The following SIAH1 variants were observed in gnomAD, a reference collection of about 807,000 sequenced individuals.
SIAH1 encodes the protein E3 ubiquitin-protein ligase SIAH1.
SIAH1 carries 2 observed loss-of-function variants against 20.0 expected under a neutral mutation model. The observed-to-expected ratio is 0.10, with a 90% CI of 0.04 to 0.31. The LOEUF is 0.31. Among genes scored for constraint, SIAH1 ranks in the 10% least tolerant of loss-of-function variants. The probability of loss-of-function intolerance (pLI) is 1.00; values close to 1 mark genes in which losing one functional copy is unlikely to be tolerated. For missense variants in SIAH1, 119 were observed against 355.3 expected, an observed-to-expected ratio of 0.33 and a Z score of 5.35; for synonymous variants, 118 against 125.3, an observed-to-expected ratio of 0.94 and a Z score of 0.39.
At chr16:48,373,472 T>C (rs142430786) in intron 1 of SIAH1, among the ~76,000 whole-genome samples, 1 of 152,324 alleles carries the variant, frequency 6.6e-6, no homozygotes, top group East Asian at 1.9e-4. Flanking sequence ...TTTCACAACA[T>C]ACATCTAAAA....
chr16:48,374,974 G>A (rs1316564026), intron 1 of SIAH1, among the ~76,000 whole-genome samples: 1 of 152,090 alleles, frequency 6.6e-6, no homozygotes, highest in African/African-American at 2.4e-5. Flanking sequence ...CTGAAATCTA[G>A]AAACAATAGA....
At chr16:48,370,609 G>A (rs1252605760) in intron 1 of SIAH1, among the ~76,000 whole-genome samples, 1 of 151,986 alleles carries the variant, frequency 6.6e-6, no homozygotes, top group Middle Eastern at 3.2e-3. Context: ...ATGAGGTCAG[G>A]TTATCGAGAC....
intron 1 of SIAH1, among the ~76,000 whole-genome samples, chr16:48,378,383 A>G (rs1158237577): frequency 6.6e-6 from 1 of 152,210 alleles, no homozygotes; most frequent in Non-Finnish European, 1.5e-5. Flanking sequence ...CAAAAGAATG[A>G]AAGAGTACAA....
upstream of SIAH1, chr16:48,385,514 G>GGGCGCGCA (rs952242725): frequency 2.0e-5 from 3 of 150,568 alleles, no homozygotes; most frequent in African/African-American, 7.4e-5. Flanking sequence ...GGGCTTTCGC[G>GGGCGCGCA]GGCGCGCAGG....
Position 48,362,815 on chromosome 16 carries a change from CTATT to C in SIAH1, c.-2-389_-2-386del, listed in dbSNP as rs1236935236. 1.0e-5 allele frequency: 2 copies of C among 197,780 alleles called. No individual in the cohort carries two copies. Among genetic ancestry groups the C allele is most frequent in the Non-Finnish European group, 2.3e-5 (2 of 87,350 alleles). 12.3% of individuals were successfully genotyped at this position (197,780 alleles called of 1,614,324 possible). A position where few individuals can be genotyped will look rare whatever the true frequency, so the allele number is the denominator to read the frequency against. On this transcript the variant is annotated intron_variant, in intron 1 of 1. Transcript: ENST00000394725. The surrounding 1 kb of genome is among the most constrained non-coding windows in gnomAD (Gnocchi z 4.2). ...GGACTCTCCCTGAGGCTCCCTTACTCTATTTCTTTCTAATTTGGAGTCAGCTGTT... is the reference window on the plus strand; with the variant it reads ...GGACTCTCCCTGAGGCTCCCTTACTCTCTTTCTAATTTGGAGTCAGCTGTT...
rs1961422757 is a variant in SIAH1 at position 48,385,261 on chromosome 16, A to T, written c.-60T>A. On this transcript the variant is annotated 5_prime_UTR_variant, in exon 1 of 2. Coordinates refer to ENST00000394725, the MANE Select transcript of SIAH1 (RefSeq NM_003031.4). ...CCTGGCACCAACGCGCTCCGTCGCC[A>T]ACCCCCGCCACCGCGGGCAGCGCCA... 1 of 318,036 alleles carries T rather than the reference A, an allele frequency of 3.1e-6. No homozygotes were observed. Among genetic ancestry groups the T allele is most frequent in the Non-Finnish European group, 6.7e-6 (1 of 149,988 alleles). 19.7% of individuals were successfully genotyped at this position (318,036 alleles called of 1,614,324 possible). A position where few individuals can be genotyped will look rare whatever the true frequency, so the allele number is the denominator to read the frequency against.
chr16:48,370,661 C>T (rs889236061), intron 1 of SIAH1, among the ~76,000 whole-genome samples: 2 of 152,044 alleles, frequency 1.3e-5, no homozygotes, highest in Non-Finnish European at 2.9e-5. Flanking sequence ...AAAAAATTAG[C>T]CAGGCGCGGT....
chr16:48,370,923 GGCCAA>G, intron 1 of SIAH1, among the ~76,000 whole-genome samples: 1 of 151,994 alleles, frequency 6.6e-6, no homozygotes, highest in Non-Finnish European at 1.5e-5. Context: ...AGATCAGCCT[GGCCAA>G]CGTGGTAAAA....
rs757345042 is a variant in SIAH1 at position 48,362,575 on chromosome 16, A to G, written c.-2-145T>C. 12 of 781,808 alleles carry G rather than the reference A, an allele frequency of 1.5e-5. No individual in the cohort carries two copies. The highest frequency in any genetic ancestry group is 2.9e-5 in the Admixed American group (1 of 34,100). 48.4% of individuals were successfully genotyped at this position (781,808 alleles called of 1,614,324 possible). A position where few individuals can be genotyped will look rare whatever the true frequency, so the allele number is the denominator to read the frequency against. On this transcript the variant is annotated intron_variant, in intron 1 of 1. Transcript: ENST00000394725. This position sits in a 1 kb window ranked among gnomAD's most constrained non-coding sequence, Gnocchi z 4.2. Reference sequence around the variant, plus strand: ...AGGAAGAAAAATAGGATTAAAAAAGATATTAAAAAAATAAAATTACACTGA... The same window carrying G: ...AGGAAGAAAAATAGGATTAAAAAAGGTATTAAAAAAATAAAATTACACTGA...
At chr16:48,365,940 G>A (rs1057332537) in intron 1 of SIAH1, 1 of 1,210,504 alleles carries the variant, frequency 8.3e-7, no homozygotes, top group Non-Finnish European at 1.0e-6. Context: ...GGCTGGGCCT[G>A]CGTTGGGAAC....
chr16:48,386,338 C>T (rs1288109944), upstream of SIAH1, among the ~76,000 whole-genome samples: 1 of 152,098 alleles, frequency 6.6e-6, no homozygotes, highest in Non-Finnish European at 1.5e-5. Context: ...GAAACCCTAT[C>T]TCTACTAAAA....
chr16:48,380,943 A>AAAAAAAAAAAAAAAAAAAAAC (rs1411656699), intron 1 of SIAH1, among the ~76,000 whole-genome samples: 5 of 148,092 alleles, frequency 3.4e-5, no homozygotes, highest in Non-Finnish European at 6.0e-5. Flanking sequence ...AAAAAAAAAA[A>AAAAAAAAAAAAAAAAAAAAAC]AAGAACGGCT....
intron 1 of SIAH1, among the ~76,000 whole-genome samples, chr16:48,366,632 T>C (rs550439413): frequency 1.3e-5 from 2 of 152,200 alleles, no homozygotes; most frequent in African/African-American, 4.8e-5. Flanking sequence ...CGCCTCAGAT[T>C]TGCATTGCAT....
chr16:48,363,280 G>GGA (rs1389891306), intron 1 of SIAH1: 3 of 167,004 alleles, frequency 1.8e-5, no homozygotes, highest in African/African-American at 7.2e-5. Context: ...GGTCACAAGG[G>GGA]GAAAGGTCTG....
chr16:48,384,186 A>G (rs1284962261), intron 1 of SIAH1, among the ~76,000 whole-genome samples: 1 of 152,216 alleles, frequency 6.6e-6, no homozygotes, highest in African/African-American at 2.4e-5. Flanking sequence ...AAGCAAAGGT[A>G]AATGCTCAAC....
intron 1 of SIAH1, among the ~76,000 whole-genome samples, chr16:48,378,773 C>T (rs538813667): frequency 6.6e-6 from 1 of 152,300 alleles, no homozygotes; most frequent in East Asian, 1.9e-4. Flanking sequence ...TTTGCTCCAG[C>T]AACACTCCTC....
At chr16:48,385,577 G>A (rs1030179265), upstream of SIAH1, 1 of 151,936 alleles carries the variant, frequency 6.6e-6, no homozygotes, top group South Asian at 2.1e-4. Flanking sequence ...AGCTGTGCGG[G>A]TCTCCAAAGG....
At chr16:48,376,277 C>G (rs1338971136) in intron 1 of SIAH1, among the ~76,000 whole-genome samples, 2 of 152,080 alleles carry the variant, frequency 1.3e-5, no homozygotes, top group African/African-American at 4.8e-5. Context: ...AATTTTAATG[C>G]ACATTTTATC....
chr16:48,382,557 A>G (rs1349469593), intron 1 of SIAH1, among the ~76,000 whole-genome samples: 1 of 152,224 alleles, frequency 6.6e-6, no homozygotes, highest in East Asian at 1.9e-4. Flanking sequence ...TAAATCATTT[A>G]AAGTGCATTA....
Sources: allele counts gnomAD v4.1 joint callset (sites outside exome capture counted in the v4.1 genomes callset), GRCh38; gene constraint gnomAD v4.1.1; non-coding constraint Gnocchi (gnomAD v3.1); transcripts MANE v1.5; gene names NCBI Gene and HGNC (gene_info 2026-07-23, HGNC 2026-07-21).